The following CHL1 variants were observed in gnomAD, a reference collection of about 807,000 sequenced individuals.
CHL1 encodes neural cell adhesion molecule L1-like protein.
A neutral mutation model predicts 141.9 loss-of-function variants in CHL1; 96 were observed. The observed-to-expected ratio is 0.68, with a 90% CI of 0.57 to 0.80. The LOEUF (loss-of-function observed/expected upper bound fraction) is 0.80. Ranked by LOEUF, CHL1 falls within the 30% of genes least tolerant of loss-of-function variation. The pLI is 0.00. For missense variants in CHL1, 1,820 were observed against 1,457.2 expected, an observed-to-expected ratio of 1.25 and a Z score of -4.05; for synonymous variants, 613 against 502.2, an observed-to-expected ratio of 1.22 and a Z score of -2.95.
At chr3:337,869 A>T (rs369280407) in intron 5 of CHL1, among the ~76,000 whole-genome samples, 34 of 152,248 alleles carry the variant, frequency 2.2e-4, no homozygotes, top group East Asian at 1.9e-3. Context: ...ATGATTTATA[A>T]TCCTTTGGGT....
intron 26 of CHL1, among the ~76,000 whole-genome samples, chr3:400,695 G>A (rs992820258): frequency 2.0e-5 from 3 of 150,878 alleles, no homozygotes; most frequent in East Asian, 2.0e-4. Context: ...CTAACTACTC[G>A]GGAGGCTGAG....
intron 1 of CHL1, among the ~76,000 whole-genome samples, chr3:243,408 T>C (rs971927931): frequency 6.6e-6 from 1 of 152,164 alleles, no homozygotes; most frequent in Non-Finnish European, 1.5e-5. Context: ...GTTTCATGCA[T>C]GGTTAGTCAT....
intron 5 of CHL1, among the ~76,000 whole-genome samples, chr3:333,921 T>C (rs1701657337): frequency 6.6e-6 from 1 of 152,162 alleles, no homozygotes; most frequent in Non-Finnish European, 1.5e-5. Context: ...ATAATTTTTT[T>C]CCTTTTTCTG....
chr3:250,248 A>G (rs1693565167), intron 2 of CHL1, among the ~76,000 whole-genome samples: 1 of 152,116 alleles, frequency 6.6e-6, no homozygotes, highest in Admixed American at 6.6e-5. Context: ...TACAAGCCAC[A>G]AATTTTATTT....
intron 19 of CHL1, among the ~76,000 whole-genome samples, chr3:388,075 C>T (rs959558717): frequency 6.6e-6 from 1 of 152,050 alleles, no homozygotes; most frequent in Admixed American, 6.6e-5. Context: ...TATAAGTGAA[C>T]CTTAAATTTA....
intron 2 of CHL1, among the ~76,000 whole-genome samples, chr3:302,638 G>T (rs1010082891): frequency 8.5e-5 from 13 of 152,152 alleles, no homozygotes; most frequent in African/African-American, 3.1e-4. Flanking sequence ...TGTAGATTCT[G>T]GATAGGTCTT....
At chr3:294,810 G>A (rs1299522486) in intron 2 of CHL1, among the ~76,000 whole-genome samples, 1 of 152,146 alleles carries the variant, frequency 6.6e-6, no homozygotes, top group Non-Finnish European at 1.5e-5. Context: ...CAGATTTTGA[G>A]CTATTCACCA....
chr3:363,402 T>A lies in CHL1; in HGVS notation c.1585+19T>A. ...ATTAGAAGTATTTTTATTTCACTGT[T>A]ACTTTGCATGAATTGTCACATGGGT... On this transcript the variant is annotated intron_variant, in intron 14 of 27. Coordinates refer to ENST00000256509, the MANE Select transcript of CHL1 (RefSeq NM_006614.4). 6 of 1,599,584 alleles carry A rather than the reference T, an allele frequency of 3.8e-6. 1 individual carries two copies. Among genetic ancestry groups the A allele is most frequent in the Non-Finnish European group, 3.4e-6 (4 of 1,171,488 alleles).
intron 1 of CHL1, among the ~76,000 whole-genome samples, chr3:202,095 G>A (rs1245441882): frequency 6.6e-6 from 1 of 152,200 alleles, no homozygotes; most frequent in Non-Finnish European, 1.5e-5. Flanking sequence ...GCTTGCAGGT[G>A]TGTGGCATTG....
chr3:245,123 G>C (rs1003029228), intron 2 of CHL1, among the ~76,000 whole-genome samples: 1 of 152,128 alleles, frequency 6.6e-6, no homozygotes, highest in African/African-American at 2.4e-5. Flanking sequence ...ACGCTTCATA[G>C]TCTGAACGAC....
chr3:356,389 A>AT (rs1684759624), intron 11 of CHL1, among the ~76,000 whole-genome samples: 1 of 152,222 alleles, frequency 6.6e-6, no homozygotes, highest in Admixed American at 6.5e-5. Flanking sequence ...TTCATATTTA[A>AT]CTGATTCGTT....
In CHL1 at chr3:401,662, T is replaced by C; in HGVS notation, c.3422T>C (p.Ile1141Thr). 2 of 1,598,022 alleles carry C rather than the reference T, an allele frequency of 1.3e-6. No individual in the cohort carries two copies. Among genetic ancestry groups the C allele is most frequent in the Non-Finnish European group, 1.7e-6 (2 of 1,173,130 alleles). Residue 1141 changes from isoleucine (I) to threonine (T), a missense_variant, in exon 27 of 28, where the codon ATT becomes ACT. Coordinates refer to ENST00000256509, the MANE Select transcript of CHL1 (RefSeq NM_006614.4). ...EKEDLHPDPE[I>T]QSVKDETFGE... ...GAAGATTTGCATCCAGACCCAGAAA[T>C]TCAGTCAGTAAAAGATGAAACCTTT...
chr3:247,651 G>C (rs1282455567), intron 2 of CHL1: 1 of 152,086 alleles, frequency 6.6e-6, no homozygotes, highest in Non-Finnish European at 1.5e-5. Context: ...CTTGCTAAGA[G>C]TTTCCATTTA....
chr3:247,367 A>T (rs1034087551), intron 2 of CHL1: 1 of 152,070 alleles, frequency 6.6e-6, no homozygotes, highest in East Asian at 1.9e-4. Flanking sequence ...CTCCGTTTAC[A>T]TGCTTCATGC....
chr3:345,952 T>TA (rs1198947088), intron 9 of CHL1, among the ~76,000 whole-genome samples: 1 of 152,306 alleles, frequency 6.6e-6, no homozygotes, highest in East Asian at 1.9e-4. Context: ...CTTCCGAACT[T>TA]ACGGTCCTTC....
At chr3:398,562 T>A (rs1708865469) in intron 25 of CHL1, among the ~76,000 whole-genome samples, 177 bp downstream of exon 25, 1 of 152,242 alleles carries the variant, frequency 6.6e-6, no homozygotes, top group African/African-American at 2.4e-5. Context: ...TGTTTCACAG[T>A]AGTCCACCAT....
At chr3:352,177 T>G (rs1703324703) in intron 10 of CHL1, among the ~76,000 whole-genome samples, 1 of 152,174 alleles carries the variant, frequency 6.6e-6, no homozygotes, top group African/African-American at 2.4e-5. Flanking sequence ...GTCATTAATA[T>G]ACTTGAGAAA....
At chr3:285,148 C>A (rs916173084) in intron 2 of CHL1, among the ~76,000 whole-genome samples, 17 of 152,178 alleles carry the variant, frequency 1.1e-4, no homozygotes, top group African/African-American at 4.1e-4. Context: ...TCATTATCAC[C>A]TTTCACCTTT....
In CHL1 at chr3:231,110, T is replaced by C. The variant is rs1458942927; in HGVS notation, c.-174-13503T>C. Among the ~76,000 whole-genome samples the C allele has an allele frequency of 2.6e-5, 4 of 152,196 alleles. No individual in the cohort carries two copies. In the East Asian group the frequency reaches 7.7e-4, roughly 29 times the overall value. On this transcript the variant is annotated intron_variant, in intron 1 of 27. Coordinates refer to ENST00000256509, the MANE Select transcript of CHL1 (RefSeq NM_006614.4). ...GTACCAGAAGGGTGAATTTTATATG[T>C]TACTTTATATTTACTATCGGTTTTG...
Sources: gnomAD v4.1 joint callset for allele counts (sites outside exome capture counted in the v4.1 genomes callset) on GRCh38, gnomAD v4.1.1 for gene constraint, MANE v1.5 for transcripts, NCBI Gene and HGNC (gene_info 2026-07-23, HGNC 2026-07-21) for gene names.